Variants in ZYX observed in about 807,000 individuals in gnomAD.
ZYX encodes zyxin-2.
ZYX carries 37 observed loss-of-function variants against 58.1 expected under a neutral mutation model. That is an observed-to-expected ratio of 0.64 (90% CI 0.49 to 0.84). The LOEUF (loss-of-function observed/expected upper bound fraction) is 0.84. Ranked by LOEUF, ZYX falls within the 40% of genes least tolerant of loss-of-function variation. The pLI is 0.00. For missense variants in ZYX, 762 were observed against 761.6 expected (o/e 1.00, Z -0.01); for synonymous variants, 324 against 321.1 (o/e 1.01, Z -0.10).
Position 143,384,032 on chromosome 7 carries a change from A to G in ZYX, c.1023+710A>G. On this transcript the variant is annotated intron_variant, in intron 5 of 9. Coordinates refer to ENST00000322764, the MANE Select transcript of ZYX (RefSeq NM_003461.5). This position sits in a 1 kb window ranked among gnomAD's most constrained non-coding sequence, Gnocchi z 4.9. The stretch of plus-strand genomic sequence containing the variant: ...CTAGAGAGTGTTGGGTTCTGTATCT[A>G]GTACAGGAATGCTCAAAATAGAAAA... 5.3e-6 allele frequency: 2 copies of G among 380,340 alleles called. No homozygotes were observed. The highest frequency in any genetic ancestry group is 3.9e-5 in the South Asian group (2 of 51,154). The allele number at this position is 380,340 out of a possible 1,614,324, so 23.6% of individuals were successfully genotyped here.
In ZYX at chr7:143,381,419, G is replaced by T. The variant is rs1804564002; in HGVS notation, c.-16+10G>T. On this transcript the variant is annotated intron_variant, in intron 1 of 9. Transcript: ENST00000322764. ...CACGCTCCGGCCTGCGGTGAGGCGC[G>T]GGGAGCGGCAGGGCGGCCCCACGGG... 1.6e-6 allele frequency: 2 copies of T among 1,243,198 alleles called. No homozygotes were observed. Among genetic ancestry groups the T allele is most frequent in the Non-Finnish European group, 2.0e-6 (2 of 992,852 alleles). 77.0% of individuals were successfully genotyped at this position (1,243,198 alleles called of 1,614,324 possible).
At chr7:143,382,153 G>C (rs1383425603) in intron 2 of ZYX, 95 bp from the exon 3 acceptor site, 1 of 1,054,112 alleles carries the variant, frequency 9.5e-7, no homozygotes, top group Non-Finnish European at 1.4e-6. Context: ...ACCCCTGAGA[G>C]AGTTCTTGGG....
rs367718052 is a variant in ZYX at position 143,388,566 on chromosome 7, G to T, written c.1222G>T (p.Ala408Ser). Residue 408 changes from alanine (A) to serine (S), a missense_variant, in exon 7 of 10, where the codon GCC (alanine) becomes TCC (serine). Physicochemically the swap from Ala to Ser is moderately conservative, Grantham distance 99 (BLOSUM62 1). Transcript: ENST00000322764. The surrounding 1 kb of genome is among the most constrained non-coding windows in gnomAD (Gnocchi z 7.5). ...CGCTCTAGGGCAGCTGTTCCACATC[G>T]CCTGCTTCACCTGCCACCAGTGTGC... ...VRALGQLFHIACFTCHQCAQQ... is the reference protein window; with the variant it reads ...VRALGQLFHISCFTCHQCAQQ... 9 of 1,611,704 alleles carry T rather than the reference G, an allele frequency of 5.6e-6. No individual in the cohort carries two copies. The highest frequency in any genetic ancestry group is 5.3e-5 in the African/African-American group (4 of 74,904).
At chr7:143,385,833 T>G (rs570696813) in intron 5 of ZYX, among the ~76,000 whole-genome samples, 2 of 151,730 alleles carry the variant, frequency 1.3e-5, no homozygotes, top group Admixed American at 6.6e-5. Flanking sequence ...TTAGTAGAGA[T>G]GGGGTTTCAC....
In ZYX at chr7:143,390,067, C is replaced by A; in HGVS notation, c.1614+90C>A. 1 of 1,557,260 alleles carries A rather than the reference C, an allele frequency of 6.4e-7. No individual in the cohort carries two copies. The stretch of plus-strand genomic sequence containing the variant: ...CTAACTGGGAGGTGGAAAGCACCAG[C>A]ATTCAGGAAACAGGGCTGTGATTTT... On this transcript the variant is annotated intron_variant, in intron 9 of 9. Transcript: ENST00000322764. This position sits in a 1 kb window ranked among gnomAD's most constrained non-coding sequence, Gnocchi z 4.3.
At chr7:143,381,890 G>C in intron 2 of ZYX, 111 bp downstream of exon 2, 6 of 1,100,998 alleles carry the variant, frequency 5.4e-6, no homozygotes, top group Non-Finnish European at 7.6e-6. Context: ...GCTGGGCGCA[G>C]CCACCCTGTC....
intron 5 of ZYX, 127 bp downstream of exon 5, chr7:143,383,449 T>C: frequency 8.2e-7 from 1 of 1,225,940 alleles, no homozygotes; most frequent in Non-Finnish European, 1.1e-6. Context: ...GGTGGCGGGA[T>C]AGGAATTTTC....
At position 143,388,513 on chromosome 7, in the gene ZYX, C is replaced by G; in HGVS notation, c.1169C>G (p.Pro390Arg). 1 of 1,610,344 alleles carries G rather than the reference C, an allele frequency of 6.2e-7. No individual in the cohort carries two copies. The change falls in exon 7 of 10, where the codon CCC (proline) becomes CGC (arginine). Residue 390 changes from proline (P) to arginine (R), a missense_variant. Transcript: ENST00000322764. This position sits in a 1 kb window ranked among gnomAD's most constrained non-coding sequence, Gnocchi z 7.5. Reference protein sequence around the residue: ...VNELCGRCHQPLARAQPAVRA... With the variant: ...VNELCGRCHQRLARAQPAVRA... ...GAACTCTGCGGCCGATGCCATCAAC[C>G]CCTGGCCCGGGCGCAGCCAGCCGTC...
Position 143,381,400 on chromosome 7 carries a change from C to G in ZYX, c.-25C>G. 5.0e-6 allele frequency: 6 copies of G among 1,198,380 alleles called. No homozygotes were observed. The highest frequency in any genetic ancestry group is 6.2e-6 in the Non-Finnish European group (6 of 964,722). The allele number at this position is 1,198,380 out of a possible 1,614,324, so 74.2% of individuals were successfully genotyped here. ...CCACCCGAGACGCGGCGCGCACGCT[C>G]CGGCCTGCGGTGAGGCGCGGGGAGC... is the stretch of plus-strand genomic sequence containing the variant. On this transcript the variant is annotated 5_prime_UTR_variant, in exon 1 of 10. Coordinates refer to ENST00000322764, the MANE Select transcript of ZYX (RefSeq NM_003461.5).
At position 143,388,858 on chromosome 7, in the gene ZYX, C is replaced by A. The variant is rs146749977; in HGVS notation, c.1406C>A (p.Thr469Asn). 5.6e-6 allele frequency: 9 copies of A among 1,614,072 alleles called. No individual in the cohort carries two copies. The highest frequency in any genetic ancestry group is 7.6e-6 in the Non-Finnish European group (9 of 1,180,006). ...TGKAYHPHCF[T>N]CVVCARPLEG... ...AAGGCCTATCACCCGCACTGCTTCA[C>A]CTGTGTGGTCTGCGCCCGCCCCCTG... The change falls in exon 8 of 10, where the codon ACC becomes AAC. Residue 469 changes from threonine to asparagine, a missense_variant. Coordinates refer to ENST00000322764, the MANE Select transcript of ZYX (RefSeq NM_003461.5). The surrounding 1 kb of genome is among the most constrained non-coding windows in gnomAD (Gnocchi z 7.5).
Position 143,381,581 on chromosome 7 carries a change from C to T in ZYX, c.10C>T (p.Pro4Ser), listed in dbSNP as rs1236736250. 2 of 1,610,238 alleles carry T rather than the reference C, an allele frequency of 1.2e-6. No individual in the cohort carries two copies. Among genetic ancestry groups the T allele is most frequent in the South Asian group, 1.1e-5 (1 of 90,924 alleles). Residue 4 changes from proline (P) to serine (S), a missense_variant, in exon 2 of 10, where the codon CCC (proline) becomes TCC (serine). By Grantham distance (74) the Pro-to-Ser change is moderately conservative. Coordinates refer to ENST00000322764, the MANE Select transcript of ZYX (RefSeq NM_003461.5). MAA[P>S]RPSPAISVSV... is the part of the protein sequence containing the mutation. ...GCAGCCCGGCCCGGCCATGGCGGCC[C>T]CCCGCCCGTCTCCCGCGATCTCCGT...
rs1468476919 is a variant in ZYX at position 143,383,175 on chromosome 7, A to G, written c.876A>G (p.Pro292=). 2 of 1,614,078 alleles carry G rather than the reference A, an allele frequency of 1.2e-6. No individual in the cohort carries two copies. The highest frequency in any genetic ancestry group is 1.7e-6 in the Non-Finnish European group (2 of 1,180,046). The change falls in exon 5 of 10, where the codon CCA becomes CCG. Residue 292 remains proline, a synonymous_variant. Coordinates refer to ENST00000322764, the MANE Select transcript of ZYX (RefSeq NM_003461.5). The stretch of plus-strand genomic sequence containing the variant: ...CCCCAGGTGGATCTGGGTCACAACC[A>G]AATCAAAAATTGGGGCACCCCGAAG... The part of the protein sequence containing the change: ...PGAPGGSGSQ[P]NQKLGHPEAL...
chr7:143,382,299 G>T lies in ZYX; in HGVS notation c.260G>T (p.Gly87Val), dbSNP rs1395668802. 1.2e-6 allele frequency: 2 copies of T among 1,612,650 alleles called. No homozygotes were observed. Among genetic ancestry groups the T allele is most frequent in the East Asian group, 4.5e-5 (2 of 44,828 alleles). Residue 87 changes from glycine to valine, a missense_variant, in exon 3 of 10, where the codon GGT becomes GTT. By Grantham distance (109) the Gly-to-Val change is moderately radical. Coordinates refer to ENST00000322764, the MANE Select transcript of ZYX (RefSeq NM_003461.5). The part of the protein sequence containing the change: ...PLAGDGDDAE[G>V]ALGGAFPPPP... ...GCTGGGGATGGCGACGATGCAGAGG[G>T]TGCTCTGGGAGGTGCCTTCCCGCCG...
chr7:143,388,290 G>A lies in ZYX; in HGVS notation c.1095G>A (p.Gln365=), dbSNP rs781639188. The A allele has an allele frequency of 8.7e-6, 14 of 1,613,726 alleles. No individual in the cohort carries two copies. In the East Asian group the frequency reaches 2.9e-4, roughly 33 times the overall value. Residue 365 remains glutamine, a synonymous_variant, in exon 6 of 10, where the codon CAG becomes CAA. Transcript: ENST00000322764. This position sits in a 1 kb window ranked among gnomAD's most constrained non-coding sequence, Gnocchi z 7.5. ...EVEELEQLTQ[Q]LMQDMEHPQR... ...AGGAGCTGGAGCAGCTGACCCAGCA[G>A]CTAATGCAGGACATGGAGCATCCTC...
chr7:143,383,713 C>G (rs1398259750), intron 5 of ZYX, among the ~76,000 whole-genome samples: 1 of 152,206 alleles, frequency 6.6e-6, no homozygotes, highest in Non-Finnish European at 1.5e-5. Flanking sequence ...TCTGAGCACT[C>G]TTTCTGCCTG....
Position 143,390,813 on chromosome 7 carries a change from C to T in ZYX, c.*131C>T. The T allele has an allele frequency of 2.8e-6, 2 of 720,838 alleles. No homozygotes were observed. Among genetic ancestry groups the T allele is most frequent in the South Asian group, 1.7e-5 (1 of 59,256 alleles). 44.7% of individuals were successfully genotyped at this position (720,838 alleles called of 1,614,324 possible). ...CCATTTCCAACCCCTCCCTAGCATC[C>T]CAGGTGCCCTGACCCAGGACCCAAC... On this transcript the variant is annotated 3_prime_UTR_variant, in exon 10 of 10. Transcript: ENST00000322764. The surrounding 1 kb of genome is among the most constrained non-coding windows in gnomAD (Gnocchi z 4.3).
rs770130489 is a variant in ZYX, at chr7:143,382,686, G to A, written c.501+1G>A. The A allele has an allele frequency of 6.2e-7, 1 of 1,614,098 alleles. No homozygotes were observed. Among genetic ancestry groups the A allele is most frequent in the Non-Finnish European group, 8.5e-7 (1 of 1,179,974 alleles). ...CAAGAATGATCCTTTCAAAGCCCGG[G>A]TAAGGGACCGGAGAGTAGGAAAAGC... On this transcript the variant is annotated splice_donor_variant, in intron 4 of 9. Coordinates refer to ENST00000322764, the MANE Select transcript of ZYX (RefSeq NM_003461.5). LOFTEE classifies it high-confidence loss of function.
chr7:143,381,429 A>G lies in ZYX; in HGVS notation c.-16+20A>G. ...CCTGCGGTGAGGCGCGGGGAGCGGC[A>G]GGGCGGCCCCACGGGGAGGGGGCGC... On this transcript the variant is annotated intron_variant, in intron 1 of 9. Transcript: ENST00000322764. 3.2e-6 allele frequency: 4 copies of G among 1,257,562 alleles called. No homozygotes were observed. The South Asian group carries it at 1.2e-4, about 37-fold the overall frequency. The allele number at this position is 1,257,562 out of a possible 1,614,324, so 77.9% of individuals were successfully genotyped here.
chr7:143,381,592 T>C lies in ZYX; in HGVS notation c.21T>C (p.Ser7=). The change falls in exon 2 of 10, where the codon TCT becomes TCC. Residue 7 remains serine, a synonymous_variant. Coordinates refer to ENST00000322764, the MANE Select transcript of ZYX (RefSeq NM_003461.5). Reference sequence around the variant, plus strand: ...CGGCCATGGCGGCCCCCCGCCCGTCTCCCGCGATCTCCGTTTCGGTCTCGG... The same window carrying C: ...CGGCCATGGCGGCCCCCCGCCCGTCCCCCGCGATCTCCGTTTCGGTCTCGG... MAAPRP[S]PAISVSVSAP... 2 of 1,610,952 alleles carry C rather than the reference T, an allele frequency of 1.2e-6. No homozygotes were observed. The highest frequency in any genetic ancestry group is 1.7e-6 in the Non-Finnish European group (2 of 1,178,986).
Sources: allele counts gnomAD v4.1 joint callset (sites outside exome capture counted in the v4.1 genomes callset), GRCh38; gene constraint gnomAD v4.1.1; non-coding constraint Gnocchi (gnomAD v3.1); transcripts MANE v1.5; gene names NCBI Gene and HGNC (gene_info 2026-07-23, HGNC 2026-07-21).